Variants in CATSPERD observed in about 807,000 individuals in gnomAD.
CATSPERD encodes the protein catsper channel auxiliary subunit delta.
A neutral mutation model predicts 98.1 loss-of-function variants in CATSPERD; 86 were observed. The ratio of observed to expected loss-of-function variants is 0.88; its 90% CI spans 0.74 to 1.05. The LOEUF (loss-of-function observed/expected upper bound fraction) is 1.05. Among genes scored for constraint, CATSPERD ranks in the 50% least tolerant of loss-of-function variants. The probability of loss-of-function intolerance (pLI) is 0.00; values close to 1 mark genes in which losing one functional copy is unlikely to be tolerated. For missense variants in CATSPERD, 995 were observed against 1,005.7 expected, an observed-to-expected ratio of 0.99 and a Z score of 0.14; for synonymous variants, 394 against 390.2, an observed-to-expected ratio of 1.01 and a Z score of -0.12.
At chr19:5,748,728 C>A (rs996926908) in intron 10 of CATSPERD, among the ~76,000 whole-genome samples, 15 of 94,106 alleles carry the variant, frequency 1.6e-4, no homozygotes, top group African/African-American at 2.6e-4. Context: ...TCATATTATT[C>A]TTTTTTTTTT....
rs35250423 is a variant in CATSPERD, at chr19:5,771,083, A to AG, written c.1763+17dup. The AG allele has an allele frequency of 2.7e-4, 435 of 1,610,856 alleles. No homozygotes were observed. In the African/African-American group the frequency reaches 4.1e-3, roughly 15 times the overall value. On this transcript the variant is annotated intron_variant, in intron 19 of 21. Coordinates refer to ENST00000381624, the MANE Select transcript of CATSPERD (RefSeq NM_152784.4). ...GCCCGTGGTGGAGCTGTAAGACCCCAGGGGGGTGCTGCAGGGTGGGGACGG... is the reference window on the plus strand; with the variant it reads ...GCCCGTGGTGGAGCTGTAAGACCCCAGGGGGGGTGCTGCAGGGTGGGGACGG...
chr19:5,769,376 TGAGAATGAAA>T (rs2056604830), intron 18 of CATSPERD, among the ~76,000 whole-genome samples: 1 of 151,168 alleles, frequency 6.6e-6, no homozygotes, highest in Non-Finnish European at 1.5e-5. Flanking sequence ...TCATGGAAGC[TGAGAATGAAA>T]ACCCACTCAG....
intron 8 of CATSPERD, 67 bp from the exon 9 acceptor site, chr19:5,745,846 C>A: frequency 1.3e-6 from 2 of 1,552,942 alleles, no homozygotes; most frequent in South Asian, 1.2e-5. Flanking sequence ...CCTCTTCCCT[C>A]ATTAGGACTC....
At chr19:5,732,673 T>G (rs1467829702) in intron 4 of CATSPERD, among the ~76,000 whole-genome samples, 1 of 151,670 alleles carries the variant, frequency 6.6e-6, no homozygotes, top group Admixed American at 6.6e-5. Context: ...TTGTTTTGTT[T>G]TGTTTTGTTT....
Position 5,743,317 on chromosome 19 carries a change from G to T in CATSPERD, c.574-1110G>T, listed in dbSNP as rs3120614. 5.3e-5 allele frequency among the ~76,000 whole-genome samples: 8 copies of T among 149,958 alleles called. No homozygotes were observed. In the South Asian group the frequency reaches 1.7e-3, roughly 32 times the overall value. ...TAACTCTGTCTCAAAAACAAACAAGGCCAGGCACTGTGGCTGATGGCTGTA... is the reference window on the plus strand; with the variant it reads ...TAACTCTGTCTCAAAAACAAACAAGTCCAGGCACTGTGGCTGATGGCTGTA... On this transcript the variant is annotated intron_variant, in intron 7 of 21. Coordinates refer to ENST00000381624, the MANE Select transcript of CATSPERD (RefSeq NM_152784.4).
chr19:5,746,279 A>C (rs781163904), intron 9 of CATSPERD, among the ~76,000 whole-genome samples: 8 of 152,186 alleles, frequency 5.3e-5, no homozygotes, highest in Non-Finnish European at 1.2e-4. Context: ...AGGGCCAGGT[A>C]GACAGTGACA....
chr19:5,765,110 T>C (rs779112517), intron 16 of CATSPERD, among the ~76,000 whole-genome samples: 17 of 152,074 alleles, frequency 1.1e-4, no homozygotes, highest in Non-Finnish European at 2.1e-4. Flanking sequence ...GGTGTCACTA[T>C]GTTGCCCAGA....
At position 5,751,777 on chromosome 19, in the gene CATSPERD, T is replaced by C. The variant is rs1465191694; in HGVS notation, c.1118T>C (p.Ile373Thr). The C allele has an allele frequency of 6.2e-6, 10 of 1,613,690 alleles. No homozygotes were observed. The highest frequency in any genetic ancestry group is 1.7e-5 in the Admixed American group (1 of 59,932). ...AFDFQKCLVN[I>T]QALLMDPELH... Reference sequence around the variant, plus strand: ...GATTTCCAGAAGTGCCTCGTGAATATCCAGGCGCTTCTCATGGACCCTGAA... The same window carrying C: ...GATTTCCAGAAGTGCCTCGTGAATACCCAGGCGCTTCTCATGGACCCTGAA... Residue 373 changes from isoleucine (I) to threonine (T), a missense_variant, in exon 12 of 22, where the codon ATC (isoleucine) becomes ACC (threonine). Physicochemically the swap from Ile to Thr is moderately conservative, Grantham distance 89 (BLOSUM62 -1). This residue lies in a region of CATSPERD where 762 missense variants were observed against 773.7 expected (regional missense o/e 0.98). Transcript: ENST00000381624.
At chr19:5,770,144 C>T (rs890523397) in intron 18 of CATSPERD, among the ~76,000 whole-genome samples, 3 of 146,004 alleles carry the variant, frequency 2.1e-5, no homozygotes, top group African/African-American at 7.6e-5. Context: ...ATGGCAAAAA[C>T]CGGCCGGGCG....
intron 21 of CATSPERD, among the ~76,000 whole-genome samples, chr19:5,777,960 G>C (rs554289485): frequency 4.6e-5 from 7 of 151,670 alleles, no homozygotes; most frequent in East Asian, 1.9e-4. Flanking sequence ...TGTAATCCCA[G>C]CATTTTGGGA....
Position 5,733,349 on chromosome 19 carries a change from TTCCTTCCTTCCC to T in CATSPERD, c.277-495_277-484del, listed in dbSNP as rs1405203851. Among the ~76,000 whole-genome samples the T allele has an allele frequency of 4.2e-5, 6 of 142,098 alleles. No individual in the cohort carries two copies. The East Asian group carries it at 6.3e-4, about 15-fold the overall frequency. The allele number at this position is 142,098 out of a possible 152,430, so 93.2% of individuals were successfully genotyped here. On this transcript the variant is annotated intron_variant, in intron 4 of 21. Transcript: ENST00000381624. ...TTTCTTTCTTTCCTTTCTTTCTTTCTTCCTTCCTTCCCTCCTTCCTTCCTTCCCTCCCTCTCT... is the reference window on the plus strand; with the variant it reads ...TTTCTTTCTTTCCTTTCTTTCTTTCTTCCTTCCTTCCTTCCCTCCCTCTCT...
At chr19:5,724,146 G>C (rs967846020) in intron 1 of CATSPERD, among the ~76,000 whole-genome samples, 2 of 151,378 alleles carry the variant, frequency 1.3e-5, no homozygotes, top group African/African-American at 2.4e-5. Flanking sequence ...GGCTGATCTC[G>C]AACTCCTGAC....
At chr19:5,722,442 C>G (rs1029297939) in intron 1 of CATSPERD, among the ~76,000 whole-genome samples, 1 of 152,106 alleles carries the variant, frequency 6.6e-6, no homozygotes, top group Non-Finnish European at 1.5e-5. Flanking sequence ...TTTATAGATA[C>G]GAAAGCATAC....
chr19:5,728,886 A>G (rs192465840), intron 3 of CATSPERD, among the ~76,000 whole-genome samples: 24 of 151,422 alleles, frequency 1.6e-4, no homozygotes, highest in African/African-American at 5.8e-4. Flanking sequence ...TTTAGTAAAG[A>G]CAGAGTTTTT....
intron 18 of CATSPERD, among the ~76,000 whole-genome samples, chr19:5,769,293 C>CA (rs35536683): frequency 0.037 from 1,665 of 45,020 alleles, 21 homozygotes; most frequent in African/African-American, 0.059. Context: ...AACCTAGAGA[C>CA]AAAAAAAAAA....
chr19:5,734,467 C>T (rs1376089887), intron 5 of CATSPERD, among the ~76,000 whole-genome samples: 1 of 152,140 alleles, frequency 6.6e-6, no homozygotes, highest in Non-Finnish European at 1.5e-5. Context: ...GGGGAAACCC[C>T]GTCCCTACTA....
At position 5,757,832 on chromosome 19, in the gene CATSPERD, C is replaced by A; in HGVS notation, c.1279-11C>A. On this transcript the variant is annotated splice_polypyrimidine_tract_variant and intron_variant, in intron 13 of 21. Coordinates refer to ENST00000381624, the MANE Select transcript of CATSPERD (RefSeq NM_152784.4). ...CTCCGTACAGCCTGAGCTTCTCTCC[C>A]CCACTCCCAGGTGATGGTGAGCAAC... is the stretch of plus-strand genomic sequence containing the variant. The A allele has an allele frequency of 1.2e-6, 2 of 1,610,334 alleles. No individual in the cohort carries two copies. The highest frequency in any genetic ancestry group is 1.1e-5 in the South Asian group (1 of 90,802).
At chr19:5,775,603 C>T (rs568159059) in intron 20 of CATSPERD, among the ~76,000 whole-genome samples, 26 of 144,000 alleles carry the variant, frequency 1.8e-4, no homozygotes, top group Non-Finnish European at 3.3e-4. Flanking sequence ...AAGCCGAGAT[C>T]GCGCCACTGC....
intron 6 of CATSPERD, 51 bp from the exon 7 acceptor site, chr19:5,739,275 G>A (rs142868547): frequency 6.0e-4 from 606 of 1,005,944 alleles, no homozygotes; most frequent in Admixed American, 8.3e-4. Context: ...GTTCAGGAAC[G>A]TACTTGCTGG....
Sources: gnomAD v4.1 joint callset for allele counts (sites outside exome capture counted in the v4.1 genomes callset) on GRCh38, gnomAD v4.1.1 for gene constraint, gnomAD v4.1.1 regional missense constraint, MANE v1.5 for transcripts, NCBI Gene and HGNC (gene_info 2026-07-23, HGNC 2026-07-21) for gene names.